The following CDH1 variants were observed in gnomAD, a reference collection of about 807,000 sequenced individuals.
The protein encoded by CDH1 is cadherin-1.
Under a neutral mutation model 84.5 loss-of-function variants are expected in CDH1, and 35 were observed. The observed-to-expected ratio is 0.41, with a 90% CI of 0.32 to 0.55. The LOEUF is 0.55. Ranked by LOEUF, CDH1 falls within the 20% of genes least tolerant of loss-of-function variation. CDH1 has a pLI of 0.19. For missense variants in CDH1, 994 were observed against 1,126.6 expected, an observed-to-expected ratio of 0.88 and a Z score of 1.68; for synonymous variants, 417 against 439.0, an observed-to-expected ratio of 0.95 and a Z score of 0.63.
intron 13 of CDH1, among the ~76,000 whole-genome samples, chr16:68,825,988 T>G (rs1403366248): frequency 1.3e-5 from 2 of 151,878 alleles, no homozygotes; most frequent in Non-Finnish European, 2.9e-5. Flanking sequence ...AGCTAATTTT[T>G]TAATATTTTT....
At position 68,827,379 on chromosome 16, in the gene CDH1, A is replaced by G. The variant is rs576316630; in HGVS notation, c.2165-795A>G. ...AACACATGGAATCTTTTTTTTTTTC[A>G]TTCACAGTGAATAATATATGTATTT... On this transcript the variant is annotated intron_variant, in intron 13 of 15. Transcript: ENST00000261769. Among the ~76,000 whole-genome samples, 16 of 150,504 alleles carry G rather than the reference A, an allele frequency of 1.1e-4. 1 individual carries two copies. In the South Asian group the frequency reaches 3.3e-3, roughly 31 times the overall value.
intron 15 of CDH1, among the ~76,000 whole-genome samples, chr16:68,830,807 A>G (rs1006806103): frequency 6.6e-6 from 1 of 152,148 alleles, no homozygotes; most frequent in Non-Finnish European, 1.5e-5. Flanking sequence ...CTTATTCAAC[A>G]AGGGAGTTGT....
At chr16:68,797,684 A>G (rs913628528) in intron 2 of CDH1, among the ~76,000 whole-genome samples, 3 of 152,256 alleles carry the variant, frequency 2.0e-5, no homozygotes, top group Admixed American at 2.0e-4. Context: ...CAAAAAGCAC[A>G]CAAATAAAAT....
chr16:68,811,274 A>G lies in CDH1; in HGVS notation c.833-410A>G, dbSNP rs114337515. 6.7e-3 allele frequency among the ~76,000 whole-genome samples: 1,012 copies of G among 151,352 alleles called. 15 individuals are homozygous for G. Among genetic ancestry groups the G allele is most frequent in the African/African-American group, 0.023 (957 of 41,264 alleles). ...TAGCTGGGCGTGGCGACGCATGCCTATAATTCCAGATACTTGGGAGGCTGA... is the reference window on the plus strand; with the variant it reads ...TAGCTGGGCGTGGCGACGCATGCCTGTAATTCCAGATACTTGGGAGGCTGA... On this transcript the variant is annotated intron_variant, in intron 6 of 15. Coordinates refer to ENST00000261769, the MANE Select transcript of CDH1 (RefSeq NM_004360.5).
At chr16:68,748,179 C>G (rs1962797430) in intron 2 of CDH1, among the ~76,000 whole-genome samples, 1 of 139,000 alleles carries the variant, frequency 7.2e-6, no homozygotes, top group Non-Finnish European at 1.5e-5. Context: ...ATGGCATGAT[C>G]TCGGCTCACC....
chr16:68,811,685 A>C lies in CDH1; in HGVS notation c.834A>C (p.Gly278=). The change falls in exon 7 of 16, where the codon GGA becomes GGC. Residue 278 remains glycine (G), a splice_region_variant and synonymous_variant. Coordinates refer to ENST00000261769, the MANE Select transcript of CDH1 (RefSeq NM_004360.5). ...KGSVMEGALP[G]TSVMEVTATD... is the part of the protein sequence containing the mutation. ...CTTCATCTCCTTGAACTCTTCCAGG[A>C]ACCTCTGTGATGGAGGTCACAGCCA... 1 of 1,613,998 alleles carries C rather than the reference A, an allele frequency of 6.2e-7. No homozygotes were observed. The highest frequency in any genetic ancestry group is 8.5e-7 in the Non-Finnish European group (1 of 1,179,982).
At chr16:68,760,266 ATTTTT>A (rs11396600) in intron 2 of CDH1, among the ~76,000 whole-genome samples, 1 of 97,986 alleles carries the variant, frequency 1.0e-5, no homozygotes, top group Non-Finnish European at 1.9e-5. Flanking sequence ...CGCCCAGCTA[ATTTTT>A]TTTTTTTTTT....
At chr16:68,741,411 G>A (rs896013170) in intron 2 of CDH1, among the ~76,000 whole-genome samples, 3 of 152,126 alleles carry the variant, frequency 2.0e-5, no homozygotes, top group East Asian at 3.8e-4. Context: ...GTGAAGGGAT[G>A]GATGTAACAT....
intron 10 of CDH1, among the ~76,000 whole-genome samples, chr16:68,817,087 G>A (rs1277370050): frequency 6.6e-6 from 1 of 152,190 alleles, no homozygotes; most frequent in Non-Finnish European, 1.5e-5. Flanking sequence ...TCATTGCTTT[G>A]CACTTCCAAA....
chr16:68,804,130 T>C (rs979777179), intron 3 of CDH1, among the ~76,000 whole-genome samples: 2 of 141,118 alleles, frequency 1.4e-5, no homozygotes, highest in African/African-American at 5.3e-5. Context: ...TTTTTTTTTT[T>C]TGAGATGGAG....
At chr16:68,780,530 T>C (rs1233861102) in intron 2 of CDH1, among the ~76,000 whole-genome samples, 2 of 152,158 alleles carry the variant, frequency 1.3e-5, no homozygotes, top group Non-Finnish European at 2.9e-5. Context: ...TTTCAAGTGA[T>C]CTACCCATCT....
intron 2 of CDH1, among the ~76,000 whole-genome samples, chr16:68,748,098 T>TA (rs1018762124): frequency 7.0e-6 from 1 of 143,056 alleles, no homozygotes; most frequent in African/African-American, 2.7e-5. Flanking sequence ...AAAAAATTTT[T>TA]AAAAATTATT....
intron 8 of CDH1, among the ~76,000 whole-genome samples, chr16:68,812,767 C>T (rs1320523802): frequency 1.3e-5 from 2 of 152,124 alleles, no homozygotes; most frequent in Non-Finnish European, 2.9e-5. Context: ...AATGGCCAGG[C>T]GTGGTGGCTC....
intron 11 of CDH1, among the ~76,000 whole-genome samples, chr16:68,820,674 A>T (rs1405941651): frequency 1.3e-5 from 2 of 152,020 alleles, no homozygotes; most frequent in African/African-American, 4.8e-5. Flanking sequence ...TATGTCCCTC[A>T]ATTCCTTTAC....
intron 13 of CDH1, 117 bp downstream of exon 13, chr16:68,823,743 A>G (rs1357228867): frequency 4.2e-6 from 3 of 706,960 alleles, no homozygotes; most frequent in Non-Finnish European, 7.3e-6. Flanking sequence ...GATGTGGGAA[A>G]GAGACTCCCA....
In CDH1 at chr16:68,810,212, G is replaced by A. The variant is rs1960779838; in HGVS notation, c.703G>A (p.Val235Met). ...GTTCTTTCAGCTCTTCTCTCACGCT[G>A]TGTCATCCAACGGGAATGCAGTTGA... ...IATYTLFSHAVSSNGNAVEDP... is the reference protein window; with the variant it reads ...IATYTLFSHAMSSNGNAVEDP... Residue 235 changes from valine to methionine, a missense_variant, in exon 6 of 16, where the codon GTG (valine) becomes ATG (methionine). Physicochemically the swap from Val to Met is conservative, Grantham distance 21. Around this residue, in one of 3 missense-constraint regions of CDH1, gnomAD observed 769 missense variants for 881.8 expected, o/e 0.87. Coordinates refer to ENST00000261769, the MANE Select transcript of CDH1 (RefSeq NM_004360.5). The A allele has an allele frequency of 6.2e-7, 1 of 1,614,128 alleles. No homozygotes were observed. Among genetic ancestry groups the A allele is most frequent in the Non-Finnish European group, 8.5e-7 (1 of 1,180,008 alleles).
At chr16:68,754,146 G>A (rs1432876994) in intron 2 of CDH1, among the ~76,000 whole-genome samples, 2 of 151,704 alleles carry the variant, frequency 1.3e-5, no homozygotes, top group East Asian at 1.9e-4. Flanking sequence ...TATTCGGCAG[G>A]GCACAGTGGC....
At chr16:68,804,868 T>C (rs1423304486) in intron 3 of CDH1, among the ~76,000 whole-genome samples, 1 of 139,290 alleles carries the variant, frequency 7.2e-6, no homozygotes, top group African/African-American at 2.7e-5. Flanking sequence ...TCTTGCTCTG[T>C]CACCCAGGCT....
chr16:68,748,346 T>C (rs1405019751), intron 2 of CDH1, among the ~76,000 whole-genome samples: 3 of 152,032 alleles, frequency 2.0e-5, no homozygotes, highest in Non-Finnish European at 2.9e-5. Flanking sequence ...CCTCAGGTGA[T>C]CTGCCCGCCT....
Sources: gnomAD v4.1 joint callset for allele counts (sites outside exome capture counted in the v4.1 genomes callset) on GRCh38, gnomAD v4.1.1 for gene constraint, gnomAD v4.1.1 regional missense constraint, MANE v1.5 for transcripts, NCBI Gene and HGNC (gene_info 2026-07-23, HGNC 2026-07-21) for gene names.